PRR11: variants seen among roughly 807,000 people sequenced by gnomAD.
The protein encoded by PRR11 is proline-rich protein 11.
PRR11 carries 30 observed loss-of-function variants against 45.6 expected under a neutral mutation model. That is an observed-to-expected ratio of 0.66 (90% CI 0.49 to 0.89). The LOEUF is 0.89. PRR11 is among the 40% of genes least tolerant of loss of function. The pLI is 0.00. For synonymous variants in PRR11, 128 were observed against 153.5 expected (o/e 0.83, Z 1.23); for missense variants, 373 against 424.8 (o/e 0.88, Z 1.07).
rs141103491 is a variant in PRR11 at position 59,185,134 on chromosome 17, G to A, written c.209G>A (p.Arg70Lys). The A allele has an allele frequency of 3.8e-4, 610 of 1,613,772 alleles. 2 individuals are homozygous for A. In the African/African-American group the frequency reaches 6.7e-3, roughly 18 times the overall value. The change falls in exon 3 of 10, where the codon AGA (arginine) becomes AAA (lysine). Residue 70 changes from arginine (R) to lysine (K), a missense_variant. Arg to Lys is a conservative substitution (Grantham distance 26). Coordinates refer to ENST00000262293, the MANE Select transcript of PRR11 (RefSeq NM_018304.4). ...SSWNFNFPNI[R>K]DAIKLWTNRV... ...TGGAACTTCAATTTTCCTAACATCA[G>A]AGATGCAATAAAACTTTGGACAAAT...
At chr17:59,163,084 T>A (rs1042477068) in intron 1 of PRR11, among the ~76,000 whole-genome samples, 1 of 151,414 alleles carries the variant, frequency 6.6e-6, no homozygotes, top group African/African-American at 2.4e-5. Context: ...TTAAATAAAT[T>A]GTCAATGCTT....
At chr17:59,188,452 G>A (rs1429594508) in intron 4 of PRR11, among the ~76,000 whole-genome samples, 1 of 152,140 alleles carries the variant, frequency 6.6e-6, no homozygotes, top group Non-Finnish European at 1.5e-5. Context: ...ATTGCGGTGT[G>A]ATTTGAAAAA....
chr17:59,174,890 C>T (rs2147841290), intron 2 of PRR11: 1 of 1,171,496 alleles, frequency 8.5e-7, no homozygotes, highest in East Asian at 3.0e-5. Context: ...ATACCCCTCC[C>T]TCCCCTTGTC....
At chr17:59,188,157 G>A (rs1568325206) in intron 4 of PRR11, among the ~76,000 whole-genome samples, 1 of 152,096 alleles carries the variant, frequency 6.6e-6, no homozygotes, top group Non-Finnish European at 1.5e-5. Context: ...TATTACTAAA[G>A]AAGAAGGCAA....
In PRR11 at chr17:59,198,491, T is replaced by C. The variant is rs573680387; in HGVS notation, c.1014+702T>C. ...GAGTTTGAGACCAGCCTGACCAACA[T>C]GGTGAAACCCCGTCTCTACCCCAAA... On this transcript the variant is annotated intron_variant, in intron 9 of 9. Coordinates refer to ENST00000262293, the MANE Select transcript of PRR11 (RefSeq NM_018304.4). Among the ~76,000 whole-genome samples the C allele has an allele frequency of 7.3e-4, 111 of 152,242 alleles. 2 individuals carry two copies. The highest frequency in any genetic ancestry group is 1.3e-3 in the Non-Finnish European group (89 of 68,004).
chr17:59,205,974 G>A lies in PRR11; in HGVS notation c.*4343G>A, dbSNP rs530239357. ...ACTGAGGCGTGAGAATCACTTGAAC[G>A]ATGGAAGTGGAGGTTGCAGTGAGCT... On this transcript the variant is annotated 3_prime_UTR_variant, in exon 10 of 10. Coordinates refer to ENST00000262293, the MANE Select transcript of PRR11 (RefSeq NM_018304.4). Among the ~76,000 whole-genome samples the A allele has an allele frequency of 3.9e-5, 6 of 151,926 alleles. No individual in the cohort carries two copies. Among genetic ancestry groups the A allele is most frequent in the South Asian group, 2.1e-4 (1 of 4,810 alleles).
At chr17:59,163,361 A>C (rs776625007) in intron 1 of PRR11, among the ~76,000 whole-genome samples, 5 of 152,232 alleles carry the variant, frequency 3.3e-5, no homozygotes, top group Non-Finnish European at 4.4e-5. Flanking sequence ...CTGGGATTAT[A>C]GGCATGAGCC....
At chr17:59,188,383 T>A (rs1189134293) in intron 4 of PRR11, among the ~76,000 whole-genome samples, 1 of 152,188 alleles carries the variant, frequency 6.6e-6, no homozygotes, top group Non-Finnish European at 1.5e-5. Flanking sequence ...TCTATCAAAA[T>A]TTTTAAAATA....
intron 1 of PRR11, among the ~76,000 whole-genome samples, chr17:59,159,870 C>G (rs763294028): frequency 5.9e-5 from 9 of 152,118 alleles, no homozygotes; most frequent in Admixed American, 1.3e-4. Context: ...GAATTATGTA[C>G]CCTTGCTTTA....
Position 59,197,569 on chromosome 17 carries a change from C to A in PRR11, c.883C>A (p.Leu295Met), listed in dbSNP as rs199992474. 120 of 1,613,888 alleles carry A rather than the reference C, an allele frequency of 7.4e-5. 1 individual carries two copies. The highest frequency in any genetic ancestry group is 1.1e-5 in the Non-Finnish European group (13 of 1,179,924). Residue 295 changes from leucine (L) to methionine (M), a missense_variant, in exon 8 of 10, where the codon CTG becomes ATG. Leu to Met is a conservative substitution (Grantham distance 15, BLOSUM62 2). Transcript: ENST00000262293. ...CACTCCTGGAAAAAGTCAGATGGAT[C>A]TGCGGAAACTGCTTAGAAAAGTCGA... ...LITPGKSQMD[L>M]RKLLRKVDVE...
intron 2 of PRR11, among the ~76,000 whole-genome samples, chr17:59,180,159 C>G (rs1187776257): frequency 8.4e-6 from 1 of 119,680 alleles, no homozygotes; most frequent in African/African-American, 3.4e-5. Context: ...GACACAGAGT[C>G]TTGCTTTGTC....
rs1178261626 is a variant in PRR11 at position 59,204,152 on chromosome 17, A to C, written c.*2521A>C. 6.8e-6 allele frequency: 1 copy of C among 146,782 alleles called. No homozygotes were observed. The highest frequency in any genetic ancestry group is 2.5e-5 in the African/African-American group (1 of 39,662). The allele number at this position is 146,782 out of a possible 1,614,324, so 9.1% of individuals were successfully genotyped here. ...CTCACGCCTGTAATCCCAGGACTTT[A>C]GGAGGCCAAGGCAGGTGGATGACTT... On this transcript the variant is annotated 3_prime_UTR_variant, in exon 10 of 10. Transcript: ENST00000262293.
chr17:59,182,448 G>A (rs2046793179), intron 2 of PRR11, among the ~76,000 whole-genome samples: 1 of 148,906 alleles, frequency 6.7e-6, no homozygotes, highest in Admixed American at 6.7e-5. Flanking sequence ...CTGGAGTGCG[G>A]TAGCACAATC....
intron 7 of PRR11, among the ~76,000 whole-genome samples, chr17:59,196,884 C>T (rs1202760071): frequency 1.3e-5 from 2 of 152,038 alleles, no homozygotes; most frequent in Non-Finnish European, 2.9e-5. Context: ...TGAGAAGGAG[C>T]TCTGTCACCC....
At chr17:59,156,661 T>G (rs1323966446) in intron 1 of PRR11, among the ~76,000 whole-genome samples, 2 of 151,828 alleles carry the variant, frequency 1.3e-5, no homozygotes, top group African/African-American at 4.8e-5. Flanking sequence ...TCTTTCTTTT[T>G]TTTTTTTTTC....
chr17:59,173,968 G>A (rs1445022246), intron 2 of PRR11, among the ~76,000 whole-genome samples: 3 of 152,188 alleles, frequency 2.0e-5, no homozygotes, highest in African/African-American at 7.2e-5. Context: ...TCTCTAGACA[G>A]GAAGGTTATT....
intron 9 of PRR11, among the ~76,000 whole-genome samples, chr17:59,200,934 CT>C (rs955084891): frequency 1.1e-3 from 170 of 148,076 alleles, no homozygotes; most frequent in African/African-American, 3.3e-3. Context: ...CCACAACTAT[CT>C]TTTTTTTTTT....
chr17:59,191,283 A>G (rs1440412291), intron 4 of PRR11, among the ~76,000 whole-genome samples: 1 of 147,498 alleles, frequency 6.8e-6, no homozygotes, highest in African/African-American at 2.5e-5. Context: ...CAGTGGCGCA[A>G]TCTCAGCTCA....
Position 59,162,012 on chromosome 17 carries a change from G to C in PRR11, c.-6+6207G>C, listed in dbSNP as rs7223905. On this transcript the variant is annotated intron_variant, in intron 1 of 9. Coordinates refer to ENST00000262293, the MANE Select transcript of PRR11 (RefSeq NM_018304.4). The stretch of plus-strand genomic sequence containing the variant: ...CCTTAATTTTTTGTGTTCTTGTTTT[G>C]ACTGAGGTAGAAATTTGCTATTCTC... Among the ~76,000 whole-genome samples, 385 of 152,114 alleles carry C rather than the reference G, an allele frequency of 2.5e-3. 1 individual carries two copies. The highest frequency in any genetic ancestry group is 9.0e-3 in the African/African-American group (374 of 41,494).
Sources: gnomAD v4.1 joint callset for allele counts (sites outside exome capture counted in the v4.1 genomes callset) on GRCh38, gnomAD v4.1.1 for gene constraint, MANE v1.5 for transcripts, NCBI Gene and HGNC (gene_info 2026-07-23, HGNC 2026-07-21) for gene names.